Variants in PTPRG observed in about 807,000 individuals in gnomAD.
PTPRG encodes the protein receptor-type tyrosine-protein phosphatase gamma.
In PTPRG, 102 loss-of-function variants were observed where a neutral mutation model predicts 165.3. The ratio of observed to expected loss-of-function variants is 0.62; its 90% CI spans 0.53 to 0.73. PTPRG has a LOEUF of 0.73. Ranked by LOEUF, PTPRG falls within the 30% of genes least tolerant of loss-of-function variation. PTPRG has a pLI of 0.00. For synonymous variants in PTPRG, 675 were observed against 669.5 expected (o/e 1.01, Z -0.13); for missense variants, 1,866 against 1,861.4 (o/e 1.00, Z -0.05).
At chr3:62,059,561 G>C (rs183112031) in intron 4 of PTPRG, among the ~76,000 whole-genome samples, 22 of 152,308 alleles carry the variant, frequency 1.4e-4, no homozygotes, top group Non-Finnish European at 2.4e-4. Context: ...GAGTTGGCTG[G>C]GCACAGTGGC....
intron 1 of PTPRG, among the ~76,000 whole-genome samples, chr3:61,576,508 C>T (rs1262223154): frequency 6.6e-6 from 1 of 152,210 alleles, no homozygotes; most frequent in Non-Finnish European, 1.5e-5. Flanking sequence ...CAATGGTCCC[C>T]ATTCCCATAG....
chr3:62,070,618 G>A (rs1238875290), intron 4 of PTPRG, among the ~76,000 whole-genome samples: 1 of 152,206 alleles, frequency 6.6e-6, no homozygotes, highest in Non-Finnish European at 1.5e-5. Context: ...TGTTGAGTGT[G>A]TGCGTCCTGG....
At chr3:61,562,873 A>G (rs1699798840) in intron 1 of PTPRG, among the ~76,000 whole-genome samples, 1 of 151,824 alleles carries the variant, frequency 6.6e-6, no homozygotes, top group South Asian at 2.1e-4. Context: ...GTTTCGGGGA[A>G]TGGAAGTCGG....
intron 10 of PTPRG, among the ~76,000 whole-genome samples, chr3:62,197,704 A>G (rs1700001474): frequency 6.6e-6 from 1 of 152,224 alleles, no homozygotes; most frequent in Admixed American, 6.5e-5. Flanking sequence ...GAATCTGCAG[A>G]ACTGCCTTAC....
At chr3:61,747,358 A>G (rs891083946) in intron 1 of PTPRG, among the ~76,000 whole-genome samples, 2 of 152,210 alleles carry the variant, frequency 1.3e-5, no homozygotes, top group African/African-American at 2.4e-5. Context: ...TTAATGGGGA[A>G]TAATTATTTG....
intron 1 of PTPRG, among the ~76,000 whole-genome samples, chr3:61,736,248 G>T (rs1158169210): frequency 1.3e-5 from 2 of 151,076 alleles, no homozygotes. Context: ...ACTGACATAA[G>T]GTTCCTCTGA....
At chr3:62,168,448 GAA>G (rs375892293) in intron 8 of PTPRG, among the ~76,000 whole-genome samples, 76 of 152,350 alleles carry the variant, frequency 5.0e-4, no homozygotes, top group African/African-American at 1.8e-3. Flanking sequence ...AAAGCTTTCT[GAA>G]AAGTGTCTTA....
At chr3:62,080,162 G>T (rs1369126785) in intron 5 of PTPRG, among the ~76,000 whole-genome samples, 1 of 150,832 alleles carries the variant, frequency 6.6e-6, no homozygotes, top group Admixed American at 6.6e-5. Context: ...CCGCCTCCCG[G>T]GTTCAGGTGA....
chr3:62,042,124 C>T (rs1700147991), intron 4 of PTPRG, among the ~76,000 whole-genome samples: 1 of 152,172 alleles, frequency 6.6e-6, no homozygotes, highest in South Asian at 2.1e-4. Flanking sequence ...TCTTGCACTG[C>T]TGGCACGCCA....
chr3:62,250,657 CTG>C (rs374915560), intron 15 of PTPRG, among the ~76,000 whole-genome samples: 18 of 152,184 alleles, frequency 1.2e-4, no homozygotes, highest in African/African-American at 4.3e-4. Context: ...CGATACATAA[CTG>C]TAGATTTTGG....
chr3:61,953,603 ACT>A (rs1319002194), intron 2 of PTPRG, among the ~76,000 whole-genome samples: 1 of 151,612 alleles, frequency 6.6e-6, no homozygotes, highest in Admixed American at 6.6e-5. Flanking sequence ...GGGAGGGGAG[ACT>A]CTTCCCACAG....
rs191654869 is a variant in PTPRG, at chr3:61,693,641, G to A, written c.86-55237G>A. ...GGTGCACAAGGTGTGTGTGTTCAGG[G>A]CTGGGGAGGGAGAAGATGAAGACGT... is the stretch of plus-strand genomic sequence containing the variant. On this transcript the variant is annotated intron_variant, in intron 1 of 29. Coordinates refer to ENST00000474889, the MANE Select transcript of PTPRG (RefSeq NM_002841.4). 2.0e-5 allele frequency among the ~76,000 whole-genome samples: 3 copies of A among 152,264 alleles called. No homozygotes were observed. The East Asian group carries it at 5.8e-4, about 29-fold the overall frequency.
rs76861141 is a variant in PTPRG, at chr3:61,637,651, G to T, written c.85+75279G>T. Reference sequence around the variant, plus strand: ...GGAGCACACACCTGCGGGAACTGTAGACTTCTTAGGAGTCCACCGGGGTTG... The same window carrying T: ...GGAGCACACACCTGCGGGAACTGTATACTTCTTAGGAGTCCACCGGGGTTG... On this transcript the variant is annotated intron_variant, in intron 1 of 29. Transcript: ENST00000474889. Among the ~76,000 whole-genome samples the T allele has an allele frequency of 4.1e-3, 617 of 152,294 alleles. 4 individuals carry two copies. The highest frequency in any genetic ancestry group is 0.014 in the African/African-American group (580 of 41,560).
rs1187434408 is a variant in PTPRG, at chr3:61,974,930, C to T, written c.191-14695C>T. 3.3e-5 allele frequency among the ~76,000 whole-genome samples: 5 copies of T among 152,190 alleles called. No homozygotes were observed. In the South Asian group the frequency reaches 1.0e-3, roughly 32 times the overall value. On this transcript the variant is annotated intron_variant, in intron 2 of 29. Transcript: ENST00000474889. ...CCTTCAGATTTGCCTAACATCCTAA[C>T]TGCCCACCAGTACCAACCATTTAAA...
chr3:61,616,058 C>T (rs1368066455), intron 1 of PTPRG, among the ~76,000 whole-genome samples: 1 of 152,240 alleles, frequency 6.6e-6, no homozygotes, highest in Non-Finnish European at 1.5e-5. Flanking sequence ...TCAAGCAATT[C>T]TCCCGCCTCA....
intron 27 of PTPRG, among the ~76,000 whole-genome samples, chr3:62,282,018 A>T (rs541738880): frequency 2.2e-3 from 332 of 152,158 alleles, no homozygotes; most frequent in African/African-American, 7.7e-3. Flanking sequence ...AATGTGTTGC[A>T]CAGATGATAA....
In PTPRG at chr3:61,719,870, G is replaced by C. The variant is rs28646057; in HGVS notation, c.86-29008G>C. Among the ~76,000 whole-genome samples, 445 of 152,140 alleles carry C rather than the reference G, an allele frequency of 2.9e-3. 3 individuals carry two copies. Among genetic ancestry groups the C allele is most frequent in the African/African-American group, 0.01 (433 of 41,500 alleles). On this transcript the variant is annotated intron_variant, in intron 1 of 29. Coordinates refer to ENST00000474889, the MANE Select transcript of PTPRG (RefSeq NM_002841.4). Reference sequence around the variant, plus strand: ...TTTGTAATTGCTCTCCCCTTTCCTGGAACGTTCTTTTCTGAGACCCAACTT... The same window carrying C: ...TTTGTAATTGCTCTCCCCTTTCCTGCAACGTTCTTTTCTGAGACCCAACTT...
At chr3:62,258,950 C>T (rs1453992584) in intron 16 of PTPRG, among the ~76,000 whole-genome samples, 1 of 152,154 alleles carries the variant, frequency 6.6e-6, no homozygotes, top group South Asian at 2.1e-4. Flanking sequence ...GGAAGGCACT[C>T]CAAAGCTCCA....
At chr3:62,090,838 C>T (rs563515367) in intron 5 of PTPRG, among the ~76,000 whole-genome samples, 37 of 152,280 alleles carry the variant, frequency 2.4e-4, no homozygotes, top group African/African-American at 8.2e-4. Flanking sequence ...AAATCCATGT[C>T]TGAGGTGTTG....
Sources: allele counts gnomAD v4.1 joint callset (sites outside exome capture counted in the v4.1 genomes callset), GRCh38; gene constraint gnomAD v4.1.1; transcripts MANE v1.5; gene names NCBI Gene and HGNC (gene_info 2026-07-23, HGNC 2026-07-21).